The following ADAMTS6 variants were observed in gnomAD, a reference collection of about 807,000 sequenced individuals.
The protein encoded by ADAMTS6 is ADAM metallopeptidase with thrombospondin type 1 motif 6.
A neutral mutation model predicts 144.3 loss-of-function variants in ADAMTS6; 23 were observed. The observed-to-expected ratio is 0.16, with a 90% CI of 0.11 to 0.23. ADAMTS6 has a LOEUF of 0.23. ADAMTS6 is among the 10% of genes least tolerant of loss of function. The pLI is 1.00. For synonymous variants in ADAMTS6, 444 were observed against 457.5 expected (o/e 0.97, Z 0.38); for missense variants, 999 against 1,379.6 (o/e 0.72, Z 4.37).
chr5:65,327,757 T>C (rs1035677293), intron 9 of ADAMTS6, among the ~76,000 whole-genome samples: 1 of 152,134 alleles, frequency 6.6e-6, no homozygotes, highest in Non-Finnish European at 1.5e-5. Context: ...AGATAAACCC[T>C]TACCTCAGCT....
chr5:65,306,137 T>C (rs1420303455), intron 9 of ADAMTS6, among the ~76,000 whole-genome samples: 2 of 152,188 alleles, frequency 1.3e-5, no homozygotes, highest in East Asian at 1.9e-4. Context: ...GGGGAACCAA[T>C]GTAAATATGT....
intron 24 of ADAMTS6, among the ~76,000 whole-genome samples, chr5:65,157,092 C>T (rs751960661): frequency 3.9e-5 from 6 of 152,164 alleles, no homozygotes; most frequent in East Asian, 1.9e-4. Context: ...AGCCCCTAGG[C>T]GCTGAAATGT....
At chr5:65,443,477 C>T (rs1301496747) in intron 7 of ADAMTS6, among the ~76,000 whole-genome samples, 1 of 151,662 alleles carries the variant, frequency 6.6e-6, no homozygotes, top group Non-Finnish European at 1.5e-5. Flanking sequence ...AAAAAATTAG[C>T]TGGGCATTGT....
chr5:65,213,367 C>T (rs550314200), intron 20 of ADAMTS6, among the ~76,000 whole-genome samples: 41 of 152,138 alleles, frequency 2.7e-4, no homozygotes, highest in South Asian at 8.3e-4. Flanking sequence ...TTAGGCTGGG[C>T]GTGATGGCCC....
chr5:65,259,580 A>C (rs1196158173), intron 14 of ADAMTS6, among the ~76,000 whole-genome samples: 2 of 152,238 alleles, frequency 1.3e-5, no homozygotes, highest in African/African-American at 4.8e-5. Flanking sequence ...TAACAAGAGT[A>C]TTTCCATAGA....
In ADAMTS6 at chr5:65,221,749, T is replaced by C. The variant is rs1369483001; in HGVS notation, c.2272+2571A>G. 3.3e-5 allele frequency among the ~76,000 whole-genome samples: 5 copies of C among 152,190 alleles called. No individual in the cohort carries two copies. The East Asian group carries it at 9.6e-4, about 29-fold the overall frequency. ...TGATAATCTATAGAGAAAATCCAAA[T>C]GAATTTACAAAACAACTGTTAGAAG... is the stretch of plus-strand genomic sequence containing the variant. On this transcript the variant is annotated intron_variant, in intron 18 of 24. Coordinates refer to ENST00000381055, the MANE Select transcript of ADAMTS6 (RefSeq NM_197941.4).
intron 15 of ADAMTS6, among the ~76,000 whole-genome samples, chr5:65,241,452 A>C (rs1415108880): frequency 6.6e-6 from 1 of 152,064 alleles, no homozygotes; most frequent in Non-Finnish European, 1.5e-5. Context: ...GCTAGTCTCG[A>C]ACTCCTGACC....
At chr5:65,285,721 A>C (rs1763310901) in intron 11 of ADAMTS6, among the ~76,000 whole-genome samples, 1 of 152,034 alleles carries the variant, frequency 6.6e-6, no homozygotes, top group South Asian at 2.1e-4. Context: ...AAATGATAGG[A>C]AGTGTGTGTG....
intron 7 of ADAMTS6, among the ~76,000 whole-genome samples, chr5:65,388,267 A>G (rs1752639032): frequency 6.6e-6 from 1 of 152,170 alleles, no homozygotes. Flanking sequence ...TAAATATATC[A>G]TGCAATCTGA....
At chr5:65,209,068 T>A (rs1756313891) in intron 20 of ADAMTS6, among the ~76,000 whole-genome samples, 1 of 152,210 alleles carries the variant, frequency 6.6e-6, no homozygotes, top group South Asian at 2.1e-4. Context: ...CCAAACATCG[T>A]AAAAAGAGAA....
At chr5:65,310,867 T>G (rs1307182038) in intron 9 of ADAMTS6, among the ~76,000 whole-genome samples, 1 of 152,244 alleles carries the variant, frequency 6.6e-6, no homozygotes, top group Non-Finnish European at 1.5e-5. Context: ...TAAAATTGTG[T>G]GTTACTTTTC....
intron 7 of ADAMTS6, among the ~76,000 whole-genome samples, chr5:65,430,164 TAA>T (rs58780724): frequency 1.4e-5 from 2 of 144,022 alleles, no homozygotes; most frequent in Non-Finnish European, 3.0e-5. Context: ...TTATCTTTGT[TAA>T]AAAAAAAAAA....
intron 7 of ADAMTS6, among the ~76,000 whole-genome samples, chr5:65,393,529 A>T (rs1242111741): frequency 6.6e-6 from 1 of 152,208 alleles, no homozygotes; most frequent in Non-Finnish European, 1.5e-5. Flanking sequence ...ATGTAAACAG[A>T]TCTCTACAAT....
chr5:65,403,652 A>G (rs1336845574), intron 7 of ADAMTS6, among the ~76,000 whole-genome samples: 1 of 152,190 alleles, frequency 6.6e-6, no homozygotes, highest in East Asian at 1.9e-4. Context: ...TTAGAATGAG[A>G]CAACTAGTTA....
chr5:65,332,823 T>C (rs902370788), intron 8 of ADAMTS6, among the ~76,000 whole-genome samples: 5 of 152,148 alleles, frequency 3.3e-5, no homozygotes, highest in African/African-American at 1.2e-4. Context: ...ATCTTTTTGA[T>C]GTGAGCTCGC....
chr5:65,240,489 C>G (rs957105446), intron 15 of ADAMTS6, among the ~76,000 whole-genome samples: 3 of 151,996 alleles, frequency 2.0e-5, no homozygotes, highest in South Asian at 4.2e-4. Context: ...TTGTGTCCCC[C>G]CAAAACCCGT....
In ADAMTS6 at chr5:65,473,567, A is replaced by G. The variant is rs1175956216; in HGVS notation, c.97+10T>C. On this transcript the variant is annotated intron_variant, in intron 2 of 24. Coordinates refer to ENST00000381055, the MANE Select transcript of ADAMTS6 (RefSeq NM_197941.4). The stretch of plus-strand genomic sequence containing the variant: ...ATATTTTTTGTCAGTTTCAAAAGCA[A>G]GAATCCTACCTTGAGAACTGTATGA... The G allele has an allele frequency of 6.2e-7, 1 of 1,601,734 alleles. No homozygotes were observed. The highest frequency in any genetic ancestry group is 8.5e-7 in the Non-Finnish European group (1 of 1,173,734).
rs187608125 is a variant in ADAMTS6, at chr5:65,226,356, C to A, written c.1934-137G>T. On this transcript the variant is annotated intron_variant, in intron 15 of 24. Coordinates refer to ENST00000381055, the MANE Select transcript of ADAMTS6 (RefSeq NM_197941.4). Reference sequence around the variant, plus strand: ...ATGCCTGATTGTGTAGGTTTCTTTCCCCCTTTTCTAAAATTTCACCTTTAT... The same window carrying A: ...ATGCCTGATTGTGTAGGTTTCTTTCACCCTTTTCTAAAATTTCACCTTTAT... 4 of 875,944 alleles carry A rather than the reference C, an allele frequency of 4.6e-6. No homozygotes were observed. The Admixed American group carries it at 1.1e-4, about 24-fold the overall frequency. 54.3% of individuals were successfully genotyped at this position (875,944 alleles called of 1,614,324 possible).
chr5:65,356,404 T>C (rs1749328296), intron 7 of ADAMTS6, among the ~76,000 whole-genome samples: 1 of 151,870 alleles, frequency 6.6e-6, no homozygotes, highest in South Asian at 2.1e-4. Context: ...GGTTGTGGTG[T>C]ATCATTGAAC....
Sources: allele counts gnomAD v4.1 joint callset (sites outside exome capture counted in the v4.1 genomes callset), GRCh38; gene constraint gnomAD v4.1.1; transcripts MANE v1.5; gene names NCBI Gene and HGNC (gene_info 2026-07-23, HGNC 2026-07-21).